RPSA2: variants seen among roughly 807,000 people sequenced by gnomAD.
RPSA2 encodes the protein small ribosomal subunit protein uS2B.
chr19:23,841,421 G>A, the RPSA2 span, among the ~76,000 whole-genome samples: 7 of 151,758 alleles, frequency 4.6e-5, no homozygotes, highest in Admixed American at 3.3e-4. Context: ...CCAAGATCAC[G>A]CCACTGCACT....
chr19:23,772,507 GTC>G, the RPSA2 span, among the ~76,000 whole-genome samples: 1 of 151,178 alleles, frequency 6.6e-6, no homozygotes, highest in African/African-American at 2.4e-5. Context: ...AAGAAATAGT[GTC>G]TCTCATAGCT....
the RPSA2 span, among the ~76,000 whole-genome samples, chr19:23,803,547 C>T: frequency 4.6e-5 from 7 of 152,152 alleles, no homozygotes; most frequent in African/African-American, 1.4e-4. Context: ...GAAACTCTAT[C>T]TGTATCCCTC....
the RPSA2 span, among the ~76,000 whole-genome samples, chr19:23,864,345 C>T: frequency 6.6e-6 from 1 of 152,132 alleles, no homozygotes; most frequent in Admixed American, 6.5e-5. Flanking sequence ...TCCTCATGGG[C>T]TTCACAGGAA....
the RPSA2 span, among the ~76,000 whole-genome samples, chr19:23,845,537 G>A: frequency 1.3e-5 from 2 of 152,068 alleles, no homozygotes; most frequent in Admixed American, 6.5e-5. Context: ...TGTCACCTGG[G>A]CTGGAGTGCA....
chr19:23,832,210 AAG>A, the RPSA2 span: 5 of 428,128 alleles, frequency 1.2e-5, no homozygotes, highest in South Asian at 7.4e-5. Context: ...GCACAGAAGA[AAG>A]AAACTCTACA....
chr19:23,837,555 A>G, the RPSA2 span, among the ~76,000 whole-genome samples: 1 of 152,114 alleles, frequency 6.6e-6, no homozygotes, highest in South Asian at 2.1e-4. Context: ...TTTTGGCAGT[A>G]TGGTCATTAT....
At chr19:23,764,061 C>A in the RPSA2 span, among the ~76,000 whole-genome samples, 2 of 152,006 alleles carry the variant, frequency 1.3e-5, no homozygotes, top group Admixed American at 6.6e-5. Flanking sequence ...ATTTTGTTTC[C>A]GCCTAAAATA....
At chr19:23,818,214 G>A in the RPSA2 span, 1 of 152,198 alleles carries the variant, frequency 6.6e-6, no homozygotes, top group Non-Finnish European at 1.5e-5. Context: ...GGTTACAAGA[G>A]CCTCTGTGGC....
chr19:23,832,257 C>T, the RPSA2 span: 1 of 449,338 alleles, frequency 2.2e-6, no homozygotes, highest in Admixed American at 2.8e-5. Flanking sequence ...TTACCCAGTT[C>T]TCAACCCTTA....
the RPSA2 span, among the ~76,000 whole-genome samples, chr19:23,856,812 CA>C: frequency 6.6e-6 from 1 of 152,068 alleles, no homozygotes; most frequent in East Asian, 1.9e-4. Context: ...TTAAGGATTT[CA>C]AAAGGGGAGG....
the RPSA2 span, among the ~76,000 whole-genome samples, chr19:23,811,800 A>G: frequency 7.3e-5 from 11 of 149,940 alleles, no homozygotes; most frequent in African/African-American, 2.7e-4. Context: ...ATATATGTAT[A>G]ATTTAGCAAT....
the RPSA2 span, among the ~76,000 whole-genome samples, chr19:23,859,329 T>C: frequency 6.6e-6 from 1 of 152,148 alleles, no homozygotes; most frequent in Non-Finnish European, 1.5e-5. Flanking sequence ...AACATGTTAT[T>C]TAAAAAAATA....
the RPSA2 span, among the ~76,000 whole-genome samples, chr19:23,836,376 C>T: frequency 1.6e-4 from 25 of 151,992 alleles, no homozygotes; most frequent in Non-Finnish European, 2.9e-4. Flanking sequence ...CACACAGACA[C>T]ACACACACAC....
chr19:23,860,937 T>C, the RPSA2 span, among the ~76,000 whole-genome samples: 9 of 152,174 alleles, frequency 5.9e-5, no homozygotes, highest in Admixed American at 1.3e-4. Context: ...GACACACTGG[T>C]GACCCCATCT....
the RPSA2 span, chr19:23,807,827 G>T: frequency 2.4e-6 from 1 of 409,154 alleles, no homozygotes; most frequent in Non-Finnish European, 4.9e-6. Context: ...CTTTTCCAGG[G>T]ACTCTTGACG....
chr19:23,827,286 A>G, the RPSA2 span: 1 of 1,175,624 alleles, frequency 8.5e-7, no homozygotes, highest in Non-Finnish European at 1.3e-6. Context: ...TATAAAAGGA[A>G]AAGTGATGGC....
chr19:23,864,644 C>G, the RPSA2 span, among the ~76,000 whole-genome samples: 1 of 152,070 alleles, frequency 6.6e-6, no homozygotes, highest in Non-Finnish European at 1.5e-5. Flanking sequence ...CAAATTAGTT[C>G]TGAACATACT....
chr19:23,814,398 T>G, the RPSA2 span, among the ~76,000 whole-genome samples: 5 of 152,160 alleles, frequency 3.3e-5, no homozygotes, highest in Non-Finnish European at 7.4e-5. Flanking sequence ...TGTGGGAGAT[T>G]ATTTGGCCAT....
At chr19:23,832,944 G>A in the RPSA2 span, 1 of 1,500,832 alleles carries the variant, frequency 6.7e-7, no homozygotes, top group South Asian at 1.1e-5. Context: ...CTAAACATAA[G>A]GTAATTCACA....
Sources: allele counts gnomAD v4.1 joint callset (sites outside exome capture counted in the v4.1 genomes callset), GRCh38; gene constraint gnomAD v4.1.1; transcripts MANE v1.5; gene names NCBI Gene and HGNC (gene_info 2026-07-23, HGNC 2026-07-21).